KDM4C: variants seen among roughly 807,000 people sequenced by gnomAD.
KDM4C encodes the protein lysine-specific demethylase 4C.
KDM4C carries 81 observed loss-of-function variants against 129.3 expected under a neutral mutation model. The ratio of observed to expected loss-of-function variants is 0.63; its 90% CI spans 0.52 to 0.75. The LOEUF is 0.75. Among genes scored for constraint, KDM4C ranks in the 30% least tolerant of loss-of-function variants. The pLI is 0.00. For missense variants in KDM4C, 1,457 were observed against 1,304.0 expected (o/e 1.12, Z -1.81); for synonymous variants, 573 against 456.1 (o/e 1.26, Z -3.26).
At chr9:7,124,314 A>G (rs1232879112) in intron 18 of KDM4C, among the ~76,000 whole-genome samples, 1 of 152,224 alleles carries the variant, frequency 6.6e-6, no homozygotes, top group Non-Finnish European at 1.5e-5. Flanking sequence ...GCTGACAATG[A>G]CTGTTTTTCA....
chr9:7,003,010 G>T (rs1821011442), intron 12 of KDM4C, among the ~76,000 whole-genome samples: 1 of 152,296 alleles, frequency 6.6e-6, no homozygotes, highest in East Asian at 1.9e-4. Context: ...GCAGGCGCCT[G>T]CCACCATTCT....
chr9:6,968,926 G>T (rs1411366773), intron 8 of KDM4C, among the ~76,000 whole-genome samples: 1 of 152,054 alleles, frequency 6.6e-6, no homozygotes, highest in Non-Finnish European at 1.5e-5. Flanking sequence ...TGTAACTTCT[G>T]TTGGGTTAAT....
intron 1 of KDM4C, among the ~76,000 whole-genome samples, chr9:6,741,442 A>G (rs143876631): frequency 1.0e-3 from 153 of 152,068 alleles, no homozygotes; most frequent in Non-Finnish European, 8.8e-5. Context: ...AGAATATTCT[A>G]TTTACCCGGG....
chr9:7,105,501 G>A (rs137987155), intron 18 of KDM4C: 7 of 469,832 alleles, frequency 1.5e-5, no homozygotes, highest in Admixed American at 9.4e-5. Flanking sequence ...ACTGGGCCAC[G>A]TGAGTAGTGT....
intron 8 of KDM4C, among the ~76,000 whole-genome samples, chr9:6,918,021 T>C (rs1820642350): frequency 1.3e-5 from 2 of 152,220 alleles, no homozygotes; most frequent in South Asian, 4.1e-4. Context: ...TTTTAAAAAA[T>C]ATAAACTTTT....
At chr9:6,927,552 T>A (rs984660450) in intron 8 of KDM4C, among the ~76,000 whole-genome samples, 1 of 152,206 alleles carries the variant, frequency 6.6e-6, no homozygotes. Flanking sequence ...GAATATGAGA[T>A]GTGTAGGACT....
At chr9:6,842,749 T>A (rs959090661) in intron 4 of KDM4C, among the ~76,000 whole-genome samples, 4 of 152,022 alleles carry the variant, frequency 2.6e-5, no homozygotes, top group African/African-American at 9.7e-5. Context: ...GCTGTCTCCT[T>A]TAGACAGGAT....
chr9:7,061,288 A>T (rs141881896), intron 17 of KDM4C, among the ~76,000 whole-genome samples: 2 of 152,324 alleles, frequency 1.3e-5, no homozygotes, highest in African/African-American at 4.8e-5. Flanking sequence ...TCTCCTCAAG[A>T]TATTCAGATA....
chr9:7,141,008 G>A (rs1164736149), intron 19 of KDM4C, among the ~76,000 whole-genome samples: 1 of 152,216 alleles, frequency 6.6e-6, no homozygotes, highest in Non-Finnish European at 1.5e-5. Flanking sequence ...TCATGAGCCT[G>A]GAGAAGAAGG....
intron 5 of KDM4C, among the ~76,000 whole-genome samples, chr9:6,858,086 C>A (rs7022399): frequency 0.12 from 17,998 of 151,898 alleles, 1,443 homozygotes; most frequent in African/African-American, 0.23. Context: ...TTCCCAAAGT[C>A]CTGGATTACA....
chr9:6,883,077 G>A (rs930262979), intron 6 of KDM4C, among the ~76,000 whole-genome samples: 1 of 152,174 alleles, frequency 6.6e-6, no homozygotes, highest in Non-Finnish European at 1.5e-5. Context: ...CTGCTGTCAA[G>A]AGAATAGAAG....
chr9:7,116,020 C>G (rs1323404), intron 18 of KDM4C, among the ~76,000 whole-genome samples: 68,220 of 152,012 alleles, frequency 0.45, 15,631 homozygotes, highest in East Asian at 0.74. Flanking sequence ...TAGTGGGTCA[C>G]TGAAATTATA....
chr9:6,820,280 G>C (rs141094242), intron 4 of KDM4C, among the ~76,000 whole-genome samples: 1 of 152,302 alleles, frequency 6.6e-6, no homozygotes, highest in Non-Finnish European at 1.5e-5. Context: ...TGAAAGGAGA[G>C]AGAGTGAAAG....
At chr9:6,887,888 C>G (rs973689965) in intron 6 of KDM4C, 72 bp from the exon 7 acceptor site, 21 of 899,320 alleles carry the variant, frequency 2.3e-5, no homozygotes, top group Non-Finnish European at 3.7e-5. Context: ...CTAGAACTTA[C>G]ACATTAAAAA....
intron 4 of KDM4C, among the ~76,000 whole-genome samples, chr9:6,832,086 C>G (rs917023679): frequency 3.3e-5 from 5 of 151,968 alleles, no homozygotes; most frequent in African/African-American, 1.2e-4. Context: ...TGCCTGTAAT[C>G]CCAGCACTCT....
chr9:6,772,910 G>A (rs1311294989), intron 1 of KDM4C, among the ~76,000 whole-genome samples: 3 of 150,292 alleles, frequency 2.0e-5, no homozygotes, highest in African/African-American at 7.3e-5. Flanking sequence ...TGGCCAGGCT[G>A]GTCCCGAACT....
chr9:7,158,099 C>G (rs913895054), intron 19 of KDM4C, among the ~76,000 whole-genome samples: 1 of 152,006 alleles, frequency 6.6e-6, no homozygotes, highest in African/African-American at 2.4e-5. Flanking sequence ...TCTTTGTGTC[C>G]AGGAATTTAT....
chr9:7,108,903 GA>G (rs1460296105), intron 18 of KDM4C, among the ~76,000 whole-genome samples: 1 of 152,004 alleles, frequency 6.6e-6, no homozygotes, highest in African/African-American at 2.4e-5. Context: ...AATACTTAAT[GA>G]AAAAAATAAG....
chr9:7,119,925 C>G (rs1182896231), intron 18 of KDM4C, among the ~76,000 whole-genome samples: 8 of 152,180 alleles, frequency 5.3e-5, no homozygotes, highest in Admixed American at 4.6e-4. Context: ...GTCTGTCTCT[C>G]TTACTAGTAT....
Sources: gnomAD v4.1 joint callset for allele counts (sites outside exome capture counted in the v4.1 genomes callset) on GRCh38, gnomAD v4.1.1 for gene constraint, MANE v1.5 for transcripts, NCBI Gene and HGNC (gene_info 2026-07-23, HGNC 2026-07-21) for gene names.